PLS3: variants seen among roughly 807,000 people sequenced by gnomAD.
The protein encoded by PLS3 is plastin 3.
Under a neutral mutation model 46.5 loss-of-function variants are expected in PLS3, and 11 were observed. The observed-to-expected ratio is 0.24, with a 90% CI of 0.15 to 0.39. PLS3 has a LOEUF of 0.39. Among genes scored for constraint, PLS3 ranks in the 10% least tolerant of loss-of-function variants. The pLI, the probability that PLS3 is intolerant of heterozygous loss-of-function variation, is 1.00. For synonymous variants in PLS3, 167 were observed against 162.2 expected, an observed-to-expected ratio of 1.03 and a Z score of -0.22; for missense variants, 308 against 461.8, an observed-to-expected ratio of 0.67 and a Z score of 3.05.
intron 8 of PLS3, chrX:115,639,600 T>C (rs1237269954): frequency 7.1e-6 from 2 of 281,022 alleles, no homozygotes; most frequent in African/African-American, 5.6e-5. Flanking sequence ...GGTCTTCACA[T>C]ATGGCAGGAT....
intron 1 of PLS3, among the ~76,000 whole-genome samples, chrX:115,576,787 A>G (rs782477827): frequency 7.8e-4 from 87 of 111,934 alleles, no homozygotes; most frequent in Non-Finnish European, 9.2e-4. Flanking sequence ...AGTTAAGTCA[A>G]AAAAAAGGTG....
At chrX:115,574,871 G>A (rs188665721) in intron 1 of PLS3, among the ~76,000 whole-genome samples, 6 of 112,297 alleles carry the variant, frequency 5.3e-5, no homozygotes, top group South Asian at 3.7e-4. Flanking sequence ...GAGCCACCGC[G>A]CCCGGCCCCA....
chrX:115,604,597 A>G (rs2074473831), intron 1 of PLS3, among the ~76,000 whole-genome samples: 1 of 111,771 alleles, frequency 8.9e-6, no homozygotes, highest in Admixed American at 9.6e-5. Context: ...AAAACATACT[A>G]CAACCTTGGG....
chrX:115,642,159 G>T (rs781839241), intron 9 of PLS3, among the ~76,000 whole-genome samples: 1 of 107,900 alleles, frequency 9.3e-6, no homozygotes, highest in Non-Finnish European at 1.9e-5. Flanking sequence ...GATTACAGGC[G>T]TGAGCCACCA....
chrX:115,585,660 G>A (rs182591484), intron 1 of PLS3, among the ~76,000 whole-genome samples: 73 of 111,079 alleles, frequency 6.6e-4, no homozygotes, highest in African/African-American at 2.3e-3. Context: ...AAAGCGCTGG[G>A]ATTACAGGTG....
In PLS3 at chrX:115,649,642, C is replaced by A. The variant is rs2074985269; in HGVS notation, c.*81C>A. On this transcript the variant is annotated 3_prime_UTR_variant, in exon 16 of 16. Transcript: ENST00000355899. ...CTATTTCCAGGTGAAGTGCTTATGG[C>A]TTAAGGAACTCTTGGCCATTCAAAG... The A allele has an allele frequency of 8.8e-6, 8 of 908,097 alleles. No individual in the cohort carries two copies. The highest frequency in any genetic ancestry group is 1.2e-5 in the Non-Finnish European group (8 of 654,658). 74.8% of individuals were successfully genotyped at this position (908,097 alleles called of 1,213,427 possible). A position where few individuals can be genotyped will look rare whatever the true frequency, so the allele number is the denominator to read the frequency against.
chrX:115,647,731 G>C, intron 14 of PLS3, 58 bp downstream of exon 14: 4 of 1,143,744 alleles, frequency 3.5e-6, no homozygotes, highest in South Asian at 1.9e-5. Flanking sequence ...TCTATCATTT[G>C]GGAAGGCAAC....
At position 115,647,894 on chromosome X, in the gene PLS3, A is replaced by T; in HGVS notation, c.1637A>T (p.Asp546Val). The T allele has an allele frequency of 8.3e-7, 1 of 1,203,692 alleles. No individual in the cohort carries two copies. Among genetic ancestry groups the T allele is most frequent in the Non-Finnish European group, 1.1e-6 (1 of 888,425 alleles). ...AGATTTGTTCTCCTTTCACACTAGG[A>T]CAAGACGATCAGCTCCAGTTTGGCA... ...GKSTSIQSFK[D>V]KTISSSLAVV... Residue 546 changes from aspartate (D) to valine (V), a missense_variant and splice_region_variant, in exon 15 of 16, where the codon GAC becomes GTC. Asp to Val is a radical substitution (Grantham distance 152, BLOSUM62 -3). Coordinates refer to ENST00000355899, the MANE Select transcript of PLS3 (RefSeq NM_005032.7).
chrX:115,569,537 T>A (rs1375010304), intron 1 of PLS3, among the ~76,000 whole-genome samples: 2 of 112,060 alleles, frequency 1.8e-5, no homozygotes, highest in Non-Finnish European at 3.8e-5. Context: ...TAAACATAGG[T>A]CCAATAATAG....
chrX:115,619,069 A>T (rs1403474610), intron 2 of PLS3, among the ~76,000 whole-genome samples: 2 of 112,251 alleles, frequency 1.8e-5, no homozygotes, highest in Non-Finnish European at 3.8e-5. Flanking sequence ...TGTATTTAAT[A>T]TGCGTTACTA....
At chrX:115,623,752 CAA>C (rs1556638023) in intron 3 of PLS3, among the ~76,000 whole-genome samples, 1 of 111,254 alleles carries the variant, frequency 9.0e-6, no homozygotes, top group African/African-American at 3.3e-5. Flanking sequence ...TATTTTTCCC[CAA>C]GACAACTGAA....
intron 2 of PLS3, chrX:115,614,344 G>C (rs2074577060): frequency 1.3e-6 from 1 of 747,602 alleles, no homozygotes; most frequent in African/African-American, 2.3e-5. Flanking sequence ...TTTTGAGTCA[G>C]AAAAGGACTG....
chrX:115,598,752 C>T (rs782387107), intron 1 of PLS3, among the ~76,000 whole-genome samples: 1 of 111,807 alleles, frequency 8.9e-6, no homozygotes, highest in Admixed American at 9.5e-5. Flanking sequence ...TGAAATTAAG[C>T]AGTATTAACA....
chrX:115,575,214 T>G (rs1260761263), intron 1 of PLS3, among the ~76,000 whole-genome samples: 1 of 111,870 alleles, frequency 8.9e-6, no homozygotes, highest in African/African-American at 3.3e-5. Flanking sequence ...AATATTTCAT[T>G]GTACACCATA....
At chrX:115,633,860 T>G in intron 5 of PLS3, 140 bp from the exon 6 acceptor site, 2 of 466,209 alleles carry the variant, frequency 4.3e-6, no homozygotes, top group South Asian at 6.4e-5. Context: ...ATGATAAAAG[T>G]CATCTAGCTG....
chrX:115,572,890 C>T (rs781842971), intron 1 of PLS3, among the ~76,000 whole-genome samples: 3 of 110,213 alleles, frequency 2.7e-5, no homozygotes, highest in Non-Finnish European at 3.8e-5. Flanking sequence ...GTCAGGAGTT[C>T]GAGACCAGCC....
At position 115,640,287 on chromosome X, in the gene PLS3, G is replaced by A. The variant is rs1271120355; in HGVS notation, c.892-121G>A. On this transcript the variant is annotated intron_variant, in intron 8 of 15. Coordinates refer to ENST00000355899, the MANE Select transcript of PLS3 (RefSeq NM_005032.7). Reference sequence around the variant, plus strand: ...GGGAAAACACCTGTTAAATTAAAAGGCAGAGATTTGTGCCATTTATTCTCA... The same window carrying A: ...GGGAAAACACCTGTTAAATTAAAAGACAGAGATTTGTGCCATTTATTCTCA... 6.2e-6 allele frequency: 4 copies of A among 642,689 alleles called. No homozygotes were observed. In the African/African-American group the frequency reaches 6.6e-5, roughly 11 times the overall value. The allele number at this position is 642,689 out of a possible 1,213,427, so 53.0% of individuals were successfully genotyped here.
intron 2 of PLS3, among the ~76,000 whole-genome samples, chrX:115,620,140 TAGAA>T (rs2074634368): frequency 1.8e-5 from 2 of 111,160 alleles, no homozygotes; most frequent in African/African-American, 6.5e-5. Flanking sequence ...AGATCACACT[TAGAA>T]AGAAATGTCA....
At chrX:115,647,016 G>A (rs2074958492) in intron 13 of PLS3, among the ~76,000 whole-genome samples, 1 of 111,902 alleles carries the variant, frequency 8.9e-6, no homozygotes, top group South Asian at 3.7e-4. Flanking sequence ...GCTCATTAAA[G>A]CACTGTCAAT....
Sources: allele counts gnomAD v4.1 joint callset (sites outside exome capture counted in the v4.1 genomes callset), GRCh38; gene constraint gnomAD v4.1.1; transcripts MANE v1.5; gene names NCBI Gene and HGNC (gene_info 2026-07-23, HGNC 2026-07-21).